CADPS: variants seen among roughly 807,000 people sequenced by gnomAD.
The protein encoded by CADPS is calcium dependent secretion activator.
In CADPS, 57 loss-of-function variants were observed where a neutral mutation model predicts 167.3. The ratio of observed to expected loss-of-function variants is 0.34; its 90% CI spans 0.28 to 0.42. The LOEUF is 0.42. Ranked by LOEUF, CADPS falls within the 20% of genes least tolerant of loss-of-function variation. The probability of loss-of-function intolerance (pLI) is 1.00; values close to 1 mark genes in which losing one functional copy is unlikely to be tolerated. For synonymous variants in CADPS, 676 were observed against 635.3 expected (o/e 1.06, Z -0.96); for missense variants, 1,414 against 1,738.1 (o/e 0.81, Z 3.32).
Position 62,514,941 on chromosome 3 carries a change from T to C in CADPS, c.2581+1118A>G, listed in dbSNP as rs145136649. Among the ~76,000 whole-genome samples, 509 of 152,258 alleles carry C rather than the reference T, an allele frequency of 3.3e-3. 7 individuals are homozygous for C. The highest frequency in any genetic ancestry group is 0.026 in the Admixed American group (396 of 15,274). Reference sequence around the variant, plus strand: ...AAACATCCTTTTGGTGCCCAATTCTTAAGTGTTTCTCCCTGGATGCATAAC... The same window carrying C: ...AAACATCCTTTTGGTGCCCAATTCTCAAGTGTTTCTCCCTGGATGCATAAC... On this transcript the variant is annotated intron_variant, in intron 16 of 29. Coordinates refer to ENST00000383710, the MANE Select transcript of CADPS (RefSeq NM_003716.4). This position sits in a 1 kb window ranked among gnomAD's most constrained non-coding sequence, Gnocchi z 4.2.
At chr3:62,522,815 A>G (rs900269608) in intron 13 of CADPS, among the ~76,000 whole-genome samples, 2 of 152,136 alleles carry the variant, frequency 1.3e-5, no homozygotes, top group African/African-American at 4.8e-5. Flanking sequence ...CTTCTTTTAT[A>G]TCATGATCCT....
chr3:62,701,492 C>G (rs955648160), intron 3 of CADPS, among the ~76,000 whole-genome samples: 4 of 151,922 alleles, frequency 2.6e-5, no homozygotes, highest in South Asian at 4.1e-4. Context: ...CCCTGTAGTC[C>G]CAGCTACTCG....
chr3:62,687,982 C>T (rs2078397234), intron 3 of CADPS, among the ~76,000 whole-genome samples: 1 of 152,016 alleles, frequency 6.6e-6, no homozygotes, highest in Non-Finnish European at 1.5e-5. Flanking sequence ...TCCCTTTCAT[C>T]ATTTATTCAA....
At chr3:62,424,307 C>T (rs1249974810) in intron 28 of CADPS, among the ~76,000 whole-genome samples, 1 of 152,156 alleles carries the variant, frequency 6.6e-6, no homozygotes, top group Non-Finnish European at 1.5e-5. Flanking sequence ...CCTCAGCCTC[C>T]CGAGTAGGTG....
At chr3:62,717,569 C>T (rs1258202642) in intron 3 of CADPS, among the ~76,000 whole-genome samples, 3 of 152,174 alleles carry the variant, frequency 2.0e-5, no homozygotes, top group Non-Finnish European at 4.4e-5. Context: ...TTTTTCCCCT[C>T]ACATTCCATA....
chr3:62,461,794 T>C (rs2059379749), intron 26 of CADPS, among the ~76,000 whole-genome samples: 1 of 152,208 alleles, frequency 6.6e-6, no homozygotes. Context: ...CCTGTGGAAA[T>C]GCTTCTCCCA....
intron 3 of CADPS, 69 bp from the exon 4 acceptor site, chr3:62,662,463 AT>A: frequency 7.6e-7 from 1 of 1,323,728 alleles, no homozygotes; most frequent in Non-Finnish European, 1.1e-6. Flanking sequence ...AGGACATTCC[AT>A]TTTATACCCC....
intron 1 of CADPS, among the ~76,000 whole-genome samples, chr3:62,865,332 A>T (rs2081485247): frequency 6.7e-6 from 1 of 149,348 alleles, no homozygotes; most frequent in Admixed American, 6.8e-5. Context: ...TAAAAGCATC[A>T]CCACTTCCTT....
intron 3 of CADPS, among the ~76,000 whole-genome samples, chr3:62,744,364 A>C (rs551573204): frequency 2.0e-5 from 3 of 152,126 alleles, no homozygotes; most frequent in African/African-American, 7.2e-5. Context: ...TTTTCAAAAA[A>C]AAAAAGGATT....
intron 27 of CADPS, among the ~76,000 whole-genome samples, chr3:62,444,072 C>T (rs1206118729): frequency 6.6e-6 from 1 of 152,180 alleles, no homozygotes; most frequent in East Asian, 1.9e-4. Flanking sequence ...ATGTTAGTAC[C>T]AATGGCTGGA....
intron 3 of CADPS, among the ~76,000 whole-genome samples, chr3:62,680,299 G>A (rs965092093): frequency 2.6e-5 from 4 of 152,094 alleles, no homozygotes; most frequent in South Asian, 4.1e-4. Flanking sequence ...TAAGCACAGC[G>A]TCTTCCTCTT....
Position 62,465,676 on chromosome 3 carries a change from G to A in CADPS, c.3553-226C>T, listed in dbSNP as rs2059867801. Among the ~76,000 whole-genome samples the A allele has an allele frequency of 1.3e-5, 2 of 152,268 alleles. No individual in the cohort carries two copies. Among genetic ancestry groups the A allele is most frequent in the South Asian group, 4.1e-4 (2 of 4,828 alleles). On this transcript the variant is annotated intron_variant, in intron 25 of 29. Transcript: ENST00000383710. This position sits in a 1 kb window ranked among gnomAD's most constrained non-coding sequence, Gnocchi z 4.1. ...TATTATGTGATTGCAAATATAGAGT[G>A]TTACAGAAGTGCAAAGTGACAAAAT...
At chr3:62,839,232 T>C in intron 1 of CADPS, among the ~76,000 whole-genome samples, 1 of 152,076 alleles carries the variant, frequency 6.6e-6, no homozygotes, top group East Asian at 1.9e-4. Context: ...TCTTGCTCGG[T>C]CACCCAGGTT....
At chr3:62,691,422 A>G (rs1165013598) in intron 3 of CADPS, among the ~76,000 whole-genome samples, 2 of 151,954 alleles carry the variant, frequency 1.3e-5, no homozygotes, top group African/African-American at 2.4e-5. Context: ...GTGTCTGTGT[A>G]GGGGAAGGAG....
rs28703666 is a variant in CADPS at position 62,581,794 on chromosome 3, T to C, written c.1577+3391A>G. 4.5e-3 allele frequency among the ~76,000 whole-genome samples: 683 copies of C among 152,278 alleles called. 4 individuals are homozygous for C. Among genetic ancestry groups the C allele is most frequent in the African/African-American group, 0.015 (620 of 41,554 alleles). On this transcript the variant is annotated intron_variant, in intron 8 of 29. Coordinates refer to ENST00000383710, the MANE Select transcript of CADPS (RefSeq NM_003716.4). ...GGGGGCATTTATTAAGATGGGAGAA[T>C]GATAATACCTAATCCTTGTGAGGTG... is the stretch of plus-strand genomic sequence containing the variant.
At chr3:62,859,651 A>G (rs2080394677) in intron 1 of CADPS, among the ~76,000 whole-genome samples, 1 of 151,952 alleles carries the variant, frequency 6.6e-6, no homozygotes, top group African/African-American at 2.4e-5. Context: ...AGACAGTAGA[A>G]AGAAATCCTT....
intron 1 of CADPS, among the ~76,000 whole-genome samples, chr3:62,787,375 A>G (rs2092556293): frequency 6.6e-6 from 1 of 152,208 alleles, no homozygotes; most frequent in Non-Finnish European, 1.5e-5. Flanking sequence ...AAAAATTTTC[A>G]AAAATACTGA....
At chr3:62,828,469 T>C (rs745405471) in intron 1 of CADPS, among the ~76,000 whole-genome samples, 8 of 152,126 alleles carry the variant, frequency 5.3e-5, no homozygotes, top group Non-Finnish European at 1.0e-4. Flanking sequence ...ACTGAGATAA[T>C]AGCTTTTGCC....
At position 62,438,359 on chromosome 3, in the gene CADPS, C is replaced by T. The variant is rs1442003004; in HGVS notation, c.3670-148G>A. 4 of 609,160 alleles carry T rather than the reference C, an allele frequency of 6.6e-6. No individual in the cohort carries two copies. Among genetic ancestry groups the T allele is most frequent in the African/African-American group, 3.7e-5 (2 of 53,792 alleles). The allele number at this position is 609,160 out of a possible 1,614,324, so 37.7% of individuals were successfully genotyped here. On this transcript the variant is annotated intron_variant, in intron 27 of 29. Coordinates refer to ENST00000383710, the MANE Select transcript of CADPS (RefSeq NM_003716.4). The surrounding 1 kb of genome is among the most constrained non-coding windows in gnomAD (Gnocchi z 4.7). ...GTAGGCATGGGATTGCTGTCCACAG[C>T]CTGGGCTGGTAGGAATTGATATTAG...
Sources: gnomAD v4.1 joint callset for allele counts (sites outside exome capture counted in the v4.1 genomes callset) on GRCh38, gnomAD v4.1.1 for gene constraint, Gnocchi (gnomAD v3.1) non-coding constraint, MANE v1.5 for transcripts, NCBI Gene and HGNC (gene_info 2026-07-23, HGNC 2026-07-21) for gene names.